SPMIP2: variants seen among roughly 807,000 people sequenced by gnomAD.
SPMIP2 encodes sperm microtubule inner protein 2, also known as protein SPMIP2.
chr4:158,995,052 C>T, the SPMIP2 span, among the ~76,000 whole-genome samples: 1 of 152,144 alleles, frequency 6.6e-6, no homozygotes, highest in Admixed American at 6.5e-5. Flanking sequence ...TACCTTAGTT[C>T]TATTCTTAAA....
the SPMIP2 span, among the ~76,000 whole-genome samples, chr4:158,922,596 G>T: frequency 1.3e-5 from 2 of 152,158 alleles, no homozygotes; most frequent in Non-Finnish European, 2.9e-5. Context: ...TTTAAATTGA[G>T]ATATAATTCA....
the SPMIP2 span, among the ~76,000 whole-genome samples, chr4:159,066,823 AACTAT>A: frequency 6.6e-6 from 1 of 152,116 alleles, no homozygotes. Context: ...GCCAGAGAAT[AACTAT>A]TATCAGCTTT....
At chr4:158,965,176 T>A in the SPMIP2 span, among the ~76,000 whole-genome samples, 24 of 152,188 alleles carry the variant, frequency 1.6e-4, no homozygotes, top group African/African-American at 5.1e-4. Flanking sequence ...GTAAATTTTT[T>A]AATTTTCTCC....
At chr4:158,937,615 C>A in the SPMIP2 span, 1 of 154,376 alleles carries the variant, frequency 6.5e-6, no homozygotes, top group Non-Finnish European at 1.5e-5. Context: ...CACTTAGCAG[C>A]CTTAAGGATC....
the SPMIP2 span, among the ~76,000 whole-genome samples, chr4:158,902,032 T>C: frequency 6.6e-6 from 1 of 152,122 alleles, no homozygotes; most frequent in Admixed American, 6.5e-5. Context: ...GTTCCCTTGC[T>C]GGTGAGGAGC....
the SPMIP2 span, among the ~76,000 whole-genome samples, chr4:159,048,226 A>G: frequency 6.6e-6 from 1 of 152,164 alleles, no homozygotes; most frequent in Non-Finnish European, 1.5e-5. Context: ...GTGTAAGCAC[A>G]AAAGGGGGTG....
the SPMIP2 span, chr4:158,904,645 C>A: frequency 1.0e-6 from 1 of 995,354 alleles, no homozygotes; most frequent in Non-Finnish European, 1.5e-6. Flanking sequence ...ATGAGAAGAG[C>A]AAACAGAAAC....
the SPMIP2 span, chr4:158,895,921 A>G: frequency 7.7e-7 from 1 of 1,293,944 alleles, no homozygotes. Context: ...CTAGCATTGT[A>G]CCCACTAACG....
chr4:158,903,810 T>A, the SPMIP2 span, among the ~76,000 whole-genome samples: 2 of 152,180 alleles, frequency 1.3e-5, no homozygotes, highest in South Asian at 4.1e-4. Context: ...AGTTCAATTT[T>A]TTTTTTTCAT....
chr4:159,005,273 A>G, the SPMIP2 span, among the ~76,000 whole-genome samples: 1 of 149,078 alleles, frequency 6.7e-6, no homozygotes, highest in Admixed American at 6.7e-5. Flanking sequence ...GTGAAACCCC[A>G]TCTCTACTAA....
the SPMIP2 span, among the ~76,000 whole-genome samples, chr4:158,949,472 T>C: frequency 6.6e-6 from 1 of 152,220 alleles, no homozygotes; most frequent in African/African-American, 2.4e-5. Flanking sequence ...TGAGGCATAG[T>C]TTAAATAACT....
At chr4:158,981,948 C>A in the SPMIP2 span, among the ~76,000 whole-genome samples, 1 of 151,682 alleles carries the variant, frequency 6.6e-6, no homozygotes, top group African/African-American at 2.4e-5. Flanking sequence ...GATAAAGAGT[C>A]AAGACTCATC....
chr4:159,003,413 C>T, the SPMIP2 span, among the ~76,000 whole-genome samples: 427 of 152,254 alleles, frequency 2.8e-3, 2 homozygotes, highest in African/African-American at 8.0e-3. Context: ...TTGTATGTAG[C>T]ATATGTGAGG....
the SPMIP2 span, among the ~76,000 whole-genome samples, chr4:159,052,519 T>C: frequency 6.6e-6 from 1 of 152,168 alleles, no homozygotes; most frequent in Non-Finnish European, 1.5e-5. Context: ...AGAAGTTTTG[T>C]GGTTGGAACT....
the SPMIP2 span, among the ~76,000 whole-genome samples, chr4:159,082,639 T>C: frequency 2.6e-4 from 39 of 152,154 alleles, no homozygotes; most frequent in African/African-American, 9.2e-4. Flanking sequence ...TATTAAGCAA[T>C]TTTAGAAAAA....
At chr4:159,068,367 G>A in the SPMIP2 span, among the ~76,000 whole-genome samples, 2 of 152,096 alleles carry the variant, frequency 1.3e-5, no homozygotes, top group African/African-American at 2.4e-5. Context: ...GTGGGGTCAC[G>A]GATGAAACTG....
the SPMIP2 span, among the ~76,000 whole-genome samples, chr4:159,051,369 T>TA: frequency 6.6e-6 from 1 of 152,178 alleles, no homozygotes; most frequent in Non-Finnish European, 1.5e-5. Flanking sequence ...GAAAATCTAA[T>TA]ACCACCAGAC....
the SPMIP2 span, chr4:158,973,198 C>A: frequency 6.2e-7 from 1 of 1,613,598 alleles, no homozygotes; most frequent in Non-Finnish European, 8.5e-7. Context: ...CTATTTGAGG[C>A]AGGCCTCCAT....
chr4:158,901,029 T>G, the SPMIP2 span, among the ~76,000 whole-genome samples: 1 of 151,952 alleles, frequency 6.6e-6, no homozygotes, highest in Non-Finnish European at 1.5e-5. Context: ...GCAGGCCTGG[T>G]GGTGACAGAA....
Sources: gnomAD v4.1 joint callset for allele counts (sites outside exome capture counted in the v4.1 genomes callset) on GRCh38, gnomAD v4.1.1 for gene constraint, MANE v1.5 for transcripts, NCBI Gene and HGNC (gene_info 2026-07-23, HGNC 2026-07-21) for gene names.